NDRG2: variants seen among roughly 807,000 people sequenced by gnomAD.
The protein encoded by NDRG2 is NDRG family member 2.
NDRG2 carries 34 observed loss-of-function variants against 58.2 expected under a neutral mutation model. The observed-to-expected ratio is 0.58, with a 90% CI of 0.44 to 0.78. The LOEUF (loss-of-function observed/expected upper bound fraction) is 0.78, where lower values mean the gene tolerates loss of function less well. Among genes scored for constraint, NDRG2 ranks in the 30% least tolerant of loss-of-function variants. NDRG2 has a pLI of 0.00. For synonymous variants in NDRG2, 187 were observed against 175.9 expected, an observed-to-expected ratio of 1.06 and a Z score of -0.50; for missense variants, 434 against 471.2, an observed-to-expected ratio of 0.92 and a Z score of 0.73.
At position 21,024,618 on chromosome 14, in the gene NDRG2, G is replaced by C. The variant is rs114484261; in HGVS notation, c.-595C>G. 1 of 983,980 alleles carries C rather than the reference G, an allele frequency of 1.0e-6. No homozygotes were observed. The highest frequency in any genetic ancestry group is 1.2e-6 in the Non-Finnish European group (1 of 829,374). 61.0% of individuals were successfully genotyped at this position (983,980 alleles called of 1,614,324 possible). On this transcript the variant is annotated 5_prime_UTR_variant, in exon 1 of 16. Transcript: ENST00000556147. The stretch of plus-strand genomic sequence containing the variant: ...TACTCAGTCTCCGTGTAGGTCCCAC[G>C]AGTGGAGAAAGGGAGAGGAGAGCGG...
intron 1 of NDRG2, chr14:21,033,177 G>A: frequency 2.7e-6 from 1 of 367,382 alleles, no homozygotes; most frequent in Non-Finnish European, 5.3e-6. Context: ...CGGTTGTTGG[G>A]AGTGTGGGGG....
Position 21,070,410 on chromosome 14 carries a change from C to G in NDRG2, c.24+418G>C, listed in dbSNP as rs1188916713. ...CGGCGCCGAGCCATGGTGAGTCCAGCGTCGCAGCCCCCTGGGTCCCCTCGG... is the reference window on the plus strand; with the variant it reads ...CGGCGCCGAGCCATGGTGAGTCCAGGGTCGCAGCCCCCTGGGTCCCCTCGG... On this transcript the variant is annotated intron_variant, in intron 1 of 14. Transcript: ENST00000403829. This position sits in a 1 kb window ranked among gnomAD's most constrained non-coding sequence, Gnocchi z 4.7. 1 of 1,416,926 alleles carries G rather than the reference C, an allele frequency of 7.1e-7. No homozygotes were observed. The highest frequency in any genetic ancestry group is 3.3e-5 in the Admixed American group (1 of 30,460). The allele number at this position is 1,416,926 out of a possible 1,614,324, so 87.8% of individuals were successfully genotyped here.
At chr14:21,021,910 C>T (rs764000766) in intron 5 of NDRG2, 31 bp from the exon 6 acceptor site, 3 of 1,611,428 alleles carry the variant, frequency 1.9e-6, no homozygotes, top group African/African-American at 1.3e-5. Flanking sequence ...AAGGAAGATA[C>T]CAACCTGCCC....
intron 8 of NDRG2, 55 bp from the exon 9 acceptor site, chr14:21,020,031 C>T (rs1208930263): frequency 1.3e-6 from 2 of 1,538,956 alleles, no homozygotes; most frequent in African/African-American, 1.4e-5. Context: ...CACAGTGGCT[C>T]ACGTCTGTAA....
At chr14:21,033,504 T>A (rs1307660288) in intron 1 of NDRG2, 3 of 398,966 alleles carry the variant, frequency 7.5e-6, no homozygotes, top group African/African-American at 6.1e-5. Flanking sequence ...GGACTTAGGA[T>A]CTGGCCCAGT....
chr14:21,058,163 A>C, intron 1 of NDRG2: 3 of 1,614,168 alleles, frequency 1.9e-6, no homozygotes, highest in Non-Finnish European at 2.5e-6. Flanking sequence ...AGCCTGCAAG[A>C]ATAGCTGTAA....
chr14:21,052,002 T>A (rs1237601735), intron 1 of NDRG2, among the ~76,000 whole-genome samples: 1 of 152,152 alleles, frequency 6.6e-6, no homozygotes, highest in East Asian at 1.9e-4. Flanking sequence ...ACCTTCAGAG[T>A]CTACTATTAG....
chr14:21,018,943 G>A (rs1295236317), intron 11 of NDRG2, 129 bp from the exon 12 acceptor site: 4 of 1,308,916 alleles, frequency 3.1e-6, no homozygotes, highest in Middle Eastern at 1.9e-4. Flanking sequence ...CCCTGCTGAT[G>A]CCACCAAGAG....
intron 1 of NDRG2, among the ~76,000 whole-genome samples, chr14:21,063,643 T>C (rs189867612): frequency 1.6e-3 from 249 of 152,312 alleles, no homozygotes; most frequent in African/African-American, 5.8e-3. Flanking sequence ...TCCTAGATTG[T>C]CTGCTCCAGA....
chr14:21,029,823 A>C (rs1243458), upstream of NDRG2, among the ~76,000 whole-genome samples: 21,266 of 152,106 alleles, frequency 0.14, 1,837 homozygotes, highest in East Asian at 0.3. Context: ...CTCACCAAAC[A>C]CTGAATCTGC....
chr14:21,050,742 C>T (rs575532571), intron 1 of NDRG2, among the ~76,000 whole-genome samples: 167 of 152,262 alleles, frequency 1.1e-3, no homozygotes, highest in Non-Finnish European at 1.3e-3. Context: ...ATGTCAATTT[C>T]CCCTTTTTGG....
chr14:21,060,418 A>C (rs557372565), intron 1 of NDRG2, among the ~76,000 whole-genome samples: 1 of 152,270 alleles, frequency 6.6e-6, no homozygotes, highest in South Asian at 2.1e-4. Context: ...GCATTCTTCC[A>C]TCCCCTGGCT....
chr14:21,034,290 C>T (rs1884467848), intron 1 of NDRG2: 7 of 1,604,786 alleles, frequency 4.4e-6, no homozygotes, highest in Non-Finnish European at 5.1e-6. Context: ...TGGTGCCATT[C>T]CTCCTGCTGG....
In NDRG2 at chr14:21,070,419, C is replaced by T; in HGVS notation, c.24+409G>A. ...GCCATGGTGAGTCCAGCGTCGCAGCCCCCTGGGTCCCCTCGGCCTTCGCGC... is the reference window on the plus strand; with the variant it reads ...GCCATGGTGAGTCCAGCGTCGCAGCTCCCTGGGTCCCCTCGGCCTTCGCGC... On this transcript the variant is annotated intron_variant, in intron 1 of 14. Coordinates refer to the NDRG2 transcript ENST00000403829. This position sits in a 1 kb window ranked among gnomAD's most constrained non-coding sequence, Gnocchi z 4.7. 7.1e-7 allele frequency: 1 copy of T among 1,407,658 alleles called. No homozygotes were observed. The highest frequency in any genetic ancestry group is 9.2e-7 in the Non-Finnish European group (1 of 1,090,098). The allele number at this position is 1,407,658 out of a possible 1,614,324, so 87.2% of individuals were successfully genotyped here.
intron 3 of NDRG2, 91 bp from the exon 4 acceptor site, chr14:21,022,588 G>A: frequency 1.1e-6 from 1 of 916,662 alleles, no homozygotes; most frequent in Non-Finnish European, 1.7e-6. Context: ...GGAGTGGGTG[G>A]GCAAGAGGGA....
At chr14:21,056,108 G>A (rs753302692) in intron 1 of NDRG2, among the ~76,000 whole-genome samples, 2 of 152,086 alleles carry the variant, frequency 1.3e-5, no homozygotes, top group East Asian at 1.9e-4. Flanking sequence ...TAGGAGCCTC[G>A]GCAAATTTTG....
chr14:21,017,383 T>G lies in NDRG2; in HGVS notation c.*213A>C. 1.6e-6 allele frequency: 1 copy of G among 615,700 alleles called. No homozygotes were observed. Among genetic ancestry groups the G allele is most frequent in the South Asian group, 2.0e-5 (1 of 49,780 alleles). The allele number at this position is 615,700 out of a possible 1,614,324, so 38.1% of individuals were successfully genotyped here. ...GAGGAGGAGAATTTAGGGGTCTGGG[T>G]CCCTAAGAGATATTAGGACATCTCT... On this transcript the variant is annotated 3_prime_UTR_variant, in exon 16 of 16. Transcript: ENST00000556147.
upstream of NDRG2, among the ~76,000 whole-genome samples, chr14:21,029,468 G>A (rs1444961076): frequency 1.3e-5 from 2 of 152,090 alleles, no homozygotes; most frequent in Non-Finnish European, 2.9e-5. Context: ...AGGCATAGTG[G>A]CTGGGCTAAT....
rs1882577171 is a variant in NDRG2, at chr14:21,024,341, G to A, written c.-318C>T. The A allele has an allele frequency of 2.0e-6, 2 of 977,576 alleles. No homozygotes were observed. Among genetic ancestry groups the A allele is most frequent in the Non-Finnish European group, 2.4e-6 (2 of 822,938 alleles). The allele number at this position is 977,576 out of a possible 1,614,324, so 60.6% of individuals were successfully genotyped here. On this transcript the variant is annotated 5_prime_UTR_variant, in exon 1 of 16. Coordinates refer to ENST00000556147, the MANE Select transcript of NDRG2 (RefSeq NM_001320329.2). ...GGAGGAGAGAAGGAAGTGCTGATGT[G>A]GAGGTAAGAGGGTGGCCCTGTCAGA...
Sources: gnomAD v4.1 joint callset for allele counts (sites outside exome capture counted in the v4.1 genomes callset) on GRCh38, gnomAD v4.1.1 for gene constraint, Gnocchi (gnomAD v3.1) non-coding constraint, MANE v1.5 for transcripts, NCBI Gene and HGNC (gene_info 2026-07-23, HGNC 2026-07-21) for gene names.